DEFB121: variants seen among roughly 807,000 people sequenced by gnomAD.
The protein encoded by DEFB121 is defensin beta 121, also known as beta-defensin 121.
DEFB121 carries 5 observed loss-of-function variants against 2.5 expected under a neutral mutation model. The observed-to-expected ratio is 1.96, with a 90% CI of 1.03 to 4.13. The LOEUF (loss-of-function observed/expected upper bound fraction) is 4.13. DEFB121 is among the 30% of genes most tolerant of loss of function. The pLI, the probability that DEFB121 is intolerant of heterozygous loss-of-function variation, is 0.00. For missense variants in DEFB121, 87 were observed against 85.0 expected (o/e 1.02, Z -0.09); for synonymous variants, 39 against 32.6 (o/e 1.20, Z -0.67).
chr20:31,408,467 A>G (rs1978556991), upstream of DEFB121, among the ~76,000 whole-genome samples: 1 of 152,016 alleles, frequency 6.6e-6, no homozygotes, highest in South Asian at 2.1e-4. Flanking sequence ...AAAAAAGACA[A>G]GATAAATTTT....
intron 1 of DEFB121, among the ~76,000 whole-genome samples, chr20:31,411,915 G>A (rs1978675972): frequency 6.6e-6 from 1 of 152,216 alleles, no homozygotes; most frequent in Non-Finnish European, 1.5e-5. Flanking sequence ...CTCTGGCTTA[G>A]TAGAAGATAG....
upstream of DEFB121, among the ~76,000 whole-genome samples, chr20:31,406,456 C>A (rs999352833): frequency 6.6e-6 from 1 of 152,080 alleles, no homozygotes; most frequent in African/African-American, 2.4e-5. Context: ...ATTTTCATCT[C>A]TAATTTGTTT....
At chr20:31,409,538 C>T (rs189728783), upstream of DEFB121, among the ~76,000 whole-genome samples, 466 of 152,186 alleles carry the variant, frequency 3.1e-3, no homozygotes, top group Non-Finnish European at 5.5e-3. Flanking sequence ...GTCAGGAGTT[C>T]GAGACTAGCC....
upstream of DEFB121, among the ~76,000 whole-genome samples, chr20:31,408,199 T>C (rs1978547483): frequency 6.6e-6 from 1 of 152,118 alleles, no homozygotes; most frequent in Non-Finnish European, 1.5e-5. Context: ...ATCCCCACAA[T>C]TCGGGAGGCT....
In DEFB121 at chr20:31,404,879, C is replaced by A; in HGVS notation, c.*34G>T. On this transcript the variant is annotated 3_prime_UTR_variant, in exon 2 of 2. Transcript: ENST00000376314. ...ATGATTTAATAGAACTGCAGGATCC[C>A]ATGATGTTGAGACTCAAGGTTGGAA... 3.1e-6 allele frequency: 5 copies of A among 1,609,572 alleles called. No individual in the cohort carries two copies. The highest frequency in any genetic ancestry group is 4.2e-6 in the Non-Finnish European group (5 of 1,178,486).
upstream of DEFB121, among the ~76,000 whole-genome samples, chr20:31,407,095 A>C (rs1402399301): frequency 6.6e-6 from 1 of 152,130 alleles, no homozygotes; most frequent in Non-Finnish European, 1.5e-5. Flanking sequence ...AAAAAAATAC[A>C]AAAAATTAGC....
chr20:31,408,296 G>T (rs1468665734), upstream of DEFB121, among the ~76,000 whole-genome samples: 1 of 152,020 alleles, frequency 6.6e-6, no homozygotes, highest in Non-Finnish European at 1.5e-5. Flanking sequence ...CACAAAAAAA[G>T]TTTTAAATAG....
chr20:31,409,621 A>T (rs1474024859), upstream of DEFB121, among the ~76,000 whole-genome samples: 1 of 152,134 alleles, frequency 6.6e-6, no homozygotes, highest in African/African-American at 2.4e-5. Flanking sequence ...GGTGCCTGTA[A>T]TCCCAGCTAC....
upstream of DEFB121, chr20:31,406,258 T>C (rs1600529295): frequency 2.0e-6 from 3 of 1,522,200 alleles, no homozygotes; most frequent in South Asian, 1.3e-5. Context: ...TTGAGGAGCA[T>C]GGCAGAGCCA....
chr20:31,410,823 T>TGAGAGA (rs72164704), upstream of DEFB121, among the ~76,000 whole-genome samples: 20,822 of 135,804 alleles, frequency 0.15, 1,513 homozygotes, highest in African/African-American at 0.21. Flanking sequence ...CCTTGAAAAA[T>TGAGAGA]GAGAGAGAGA....
intron 1 of DEFB121, among the ~76,000 whole-genome samples, chr20:31,412,067 A>T (rs1476296775): frequency 6.6e-6 from 1 of 152,198 alleles, no homozygotes; most frequent in Non-Finnish European, 1.5e-5. Flanking sequence ...TCTTCCACCC[A>T]CTTCTGGTTA....
rs1213446487 is a variant in DEFB121 at position 31,412,611 on chromosome 20, T to C, written n.217+11A>G. ...AACTGGTAGTTACTGTTATTTACTA[T>C]GAATCCTCACCTTCCTTGACTTCTT... is the stretch of plus-strand genomic sequence containing the variant. On this transcript the variant is annotated intron_variant and non_coding_transcript_variant, in intron 1 of 1. Transcript: ENST00000376312. The C allele has an allele frequency of 3.1e-6, 4 of 1,290,804 alleles. No individual in the cohort carries two copies. In the Admixed American group the frequency reaches 9.2e-5, roughly 30 times the overall value. 80.0% of individuals were successfully genotyped at this position (1,290,804 alleles called of 1,614,324 possible). A position where few individuals can be genotyped will look rare whatever the true frequency, so the allele number is the denominator to read the frequency against.
intron 1 of DEFB121, 52 bp downstream of exon 1, chr20:31,406,043 G>A: frequency 6.2e-7 from 1 of 1,603,066 alleles, no homozygotes. Flanking sequence ...AGAGTTCTCT[G>A]AACATGCATC....
chr20:31,406,357 G>A, upstream of DEFB121: 1 of 1,142,436 alleles, frequency 8.8e-7, no homozygotes, highest in Non-Finnish European at 1.1e-6. Flanking sequence ...GAGGCTGGGA[G>A]AGGGGGAAGG....
upstream of DEFB121, among the ~76,000 whole-genome samples, chr20:31,408,674 G>C (rs1447103139): frequency 6.6e-6 from 1 of 152,130 alleles, no homozygotes; most frequent in African/African-American, 2.4e-5. Flanking sequence ...AGACACTCAA[G>C]TTTAAATTTT....
chr20:31,412,736 T>G, exon 1 of DEFB121: 1 of 1,189,840 alleles, frequency 8.4e-7, no homozygotes, highest in Non-Finnish European at 1.1e-6. Flanking sequence ...GGATTGGCAG[T>G]AGCTCAGAGA....
chr20:31,406,263 G>A, upstream of DEFB121: 5 of 1,510,222 alleles, frequency 3.3e-6, no homozygotes, highest in South Asian at 6.6e-5. Context: ...GAGCATGGCA[G>A]AGCCAAGATC....
upstream of DEFB121, among the ~76,000 whole-genome samples, chr20:31,407,428 C>T (rs1320506635): frequency 6.6e-6 from 1 of 152,084 alleles, no homozygotes; most frequent in Non-Finnish European, 1.5e-5. Flanking sequence ...GACGGTGTGC[C>T]GGTTGTAAGC....
upstream of DEFB121, among the ~76,000 whole-genome samples, chr20:31,413,510 C>G (rs1978718666): frequency 6.6e-6 from 1 of 152,158 alleles, no homozygotes; most frequent in South Asian, 2.1e-4. Context: ...GTCTATTTCC[C>G]ATACATGCTG....
Sources: allele counts gnomAD v4.1 joint callset (sites outside exome capture counted in the v4.1 genomes callset), GRCh38; gene constraint gnomAD v4.1.1; transcripts MANE v1.5; gene names NCBI Gene and HGNC (gene_info 2026-07-23, HGNC 2026-07-21).